PDE4B: variants seen among roughly 807,000 people sequenced by gnomAD.
PDE4B encodes phosphodiesterase 4B, also known as 3',5'-cyclic-AMP phosphodiesterase 4B.
In PDE4B, 20 loss-of-function variants were observed where a neutral mutation model predicts 82.2. The ratio of observed to expected loss-of-function variants is 0.24; its 90% CI spans 0.17 to 0.35. The LOEUF (loss-of-function observed/expected upper bound fraction) is 0.35. Ranked by LOEUF, PDE4B falls within the 10% of genes least tolerant of loss-of-function variation. The pLI is 1.00. For synonymous variants in PDE4B, 320 were observed against 318.9 expected (o/e 1.00, Z -0.04); for missense variants, 655 against 907.2 (o/e 0.72, Z 3.57).
At chr1:66,095,481 A>T (rs917202376) in intron 3 of PDE4B, among the ~76,000 whole-genome samples, 5 of 151,930 alleles carry the variant, frequency 3.3e-5, no homozygotes, top group East Asian at 3.9e-4. Flanking sequence ...GATACAAATC[A>T]GGTTCCCTGA....
chr1:65,988,984 A>G (rs192827540), intron 3 of PDE4B, among the ~76,000 whole-genome samples: 1,532 of 152,280 alleles, frequency 0.01, 20 homozygotes, highest in African/African-American at 0.035. Context: ...TCATAGTGTC[A>G]CTATAAATTT....
At chr1:66,275,318 A>G (rs148200623) in intron 7 of PDE4B, among the ~76,000 whole-genome samples, 3 of 152,310 alleles carry the variant, frequency 2.0e-5, no homozygotes, top group Middle Eastern at 3.4e-3. Context: ...AGGTGTTACA[A>G]CCCAGGAAGC....
At chr1:66,083,288 A>G (rs1656835601) in intron 3 of PDE4B, among the ~76,000 whole-genome samples, 1 of 151,984 alleles carries the variant, frequency 6.6e-6, no homozygotes, top group African/African-American at 2.4e-5. Context: ...AAGACCACCC[A>G]CCATCAGTCC....
At chr1:66,074,995 A>C (rs1656344572) in intron 3 of PDE4B, among the ~76,000 whole-genome samples, 1 of 151,940 alleles carries the variant, frequency 6.6e-6, no homozygotes, top group African/African-American at 2.4e-5. Flanking sequence ...GGCTCTGCCC[A>C]GGAAAGAATT....
chr1:66,237,603 A>G (rs1652560351), intron 3 of PDE4B, among the ~76,000 whole-genome samples: 1 of 152,230 alleles, frequency 6.6e-6, no homozygotes, highest in East Asian at 1.9e-4. Context: ...ATGCAGAGTA[A>G]TAACGACAAA....
chr1:66,199,073 G>T (rs938463808), intron 3 of PDE4B, among the ~76,000 whole-genome samples: 5 of 151,622 alleles, frequency 3.3e-5, no homozygotes, highest in Non-Finnish European at 4.4e-5. Flanking sequence ...ATAAACATAC[G>T]TGTGCATGTG....
intron 7 of PDE4B, chr1:66,331,688 G>A: frequency 1.0e-6 from 1 of 953,248 alleles, no homozygotes; most frequent in Non-Finnish European, 1.2e-6. Context: ...GGCTCCACCT[G>A]AAAGTCCGGT....
intron 3 of PDE4B, among the ~76,000 whole-genome samples, chr1:65,925,929 A>G (rs970627821): frequency 6.6e-5 from 10 of 152,172 alleles, no homozygotes. Context: ...TGCTTGAATT[A>G]TCACTGAGGC....
rs543283831 is a variant in PDE4B at position 66,060,536 on chromosome 1, A to G, written c.281+141701A>G. On this transcript the variant is annotated intron_variant, in intron 3 of 16. Transcript: ENST00000341517. ...ACACACTGGATTTTGAAGATTTAGT[A>G]TAAGATGAAAACATTTAAAATATAT... is the stretch of plus-strand genomic sequence containing the variant. 4.8e-4 allele frequency among the ~76,000 whole-genome samples: 73 copies of G among 152,342 alleles called. 1 individual carries two copies. Among genetic ancestry groups the G allele is most frequent in the Middle Eastern group, 6.8e-3 (2 of 294 alleles).
chr1:65,822,121 T>C (rs920564466), intron 1 of PDE4B, among the ~76,000 whole-genome samples: 1 of 152,174 alleles, frequency 6.6e-6, no homozygotes, highest in African/African-American at 2.4e-5. Context: ...TAAATTTTGT[T>C]TGATTTTTAT....
At chr1:66,069,710 C>T (rs1210711652) in intron 3 of PDE4B, among the ~76,000 whole-genome samples, 1 of 152,008 alleles carries the variant, frequency 6.6e-6, no homozygotes, top group South Asian at 2.1e-4. Flanking sequence ...ATATTGGTAC[C>T]ATTATAGATA....
At chr1:65,932,612 T>C (rs1647901786) in intron 3 of PDE4B, among the ~76,000 whole-genome samples, 1 of 151,740 alleles carries the variant, frequency 6.6e-6, no homozygotes, top group Non-Finnish European at 1.5e-5. Flanking sequence ...AAGATAAATC[T>C]CCAGAAACAA....
chr1:65,995,849 C>T (rs572565340), intron 3 of PDE4B, among the ~76,000 whole-genome samples: 2 of 152,128 alleles, frequency 1.3e-5, no homozygotes, highest in East Asian at 3.9e-4. Context: ...GTTTTGATTC[C>T]AGCATTGAAA....
chr1:65,920,129 A>G (rs897422083), intron 3 of PDE4B, among the ~76,000 whole-genome samples: 5 of 152,216 alleles, frequency 3.3e-5, no homozygotes, highest in Non-Finnish European at 1.5e-5. Flanking sequence ...ATGTGTCTGT[A>G]TAATTACGGA....
chr1:66,345,408 T>C lies in PDE4B; in HGVS notation c.748-10119T>C, dbSNP rs147708811. On this transcript the variant is annotated intron_variant, in intron 8 of 16. Transcript: ENST00000341517. ...ACCTCTTAGAAAGACCTTCTTTTAT[T>C]ACCCTAATTCAGCTGCTTGTTGGTT... 6.9e-3 allele frequency among the ~76,000 whole-genome samples: 1,049 copies of C among 152,324 alleles called. 10 individuals are homozygous for C. The highest frequency in any genetic ancestry group is 0.034 in the Middle Eastern group (10 of 294).
intron 3 of PDE4B, among the ~76,000 whole-genome samples, chr1:66,096,257 G>A (rs1645111877): frequency 6.6e-6 from 1 of 151,510 alleles, no homozygotes; most frequent in Non-Finnish European, 1.5e-5. Flanking sequence ...ATATGAGTGA[G>A]AACATGCAGT....
At chr1:66,164,376 A>T (rs1289115558) in intron 3 of PDE4B, among the ~76,000 whole-genome samples, 1 of 151,672 alleles carries the variant, frequency 6.6e-6, no homozygotes, top group Non-Finnish European at 1.5e-5. Context: ...CTCTACTAAA[A>T]ATACAAAAAA....
intron 3 of PDE4B, among the ~76,000 whole-genome samples, chr1:65,995,454 T>C (rs1021597480): frequency 2.6e-5 from 4 of 152,336 alleles, no homozygotes; most frequent in African/African-American, 7.2e-5. Flanking sequence ...TCTAGCCTAA[T>C]GCTTCATGCT....
At chr1:66,116,738 A>AT (rs199720137) in intron 3 of PDE4B, among the ~76,000 whole-genome samples, 3,430 of 152,072 alleles carry the variant, frequency 0.023, 70 homozygotes, top group Middle Eastern at 0.061. Context: ...TGATCTTTGT[A>AT]TTTTTTTGTA....
Sources: gnomAD v4.1 joint callset for allele counts (sites outside exome capture counted in the v4.1 genomes callset) on GRCh38, gnomAD v4.1.1 for gene constraint, MANE v1.5 for transcripts, NCBI Gene and HGNC (gene_info 2026-07-23, HGNC 2026-07-21) for gene names.